NALF1: variants seen among roughly 807,000 people sequenced by gnomAD.
NALF1 encodes NALCN channel auxiliary factor 1, also known as family with sequence similarity 155 member A.
Under a neutral mutation model 48.4 loss-of-function variants are expected in NALF1, and 3 were observed. The ratio of observed to expected loss-of-function variants is 0.06; its 90% CI spans 0.03 to 0.16. The LOEUF (loss-of-function observed/expected upper bound fraction) is 0.16. Ranked by LOEUF, NALF1 falls within the 10% of genes least tolerant of loss-of-function variation. NALF1 has a pLI of 1.00. For missense variants in NALF1, 526 were observed against 571.5 expected (o/e 0.92, Z 0.81); for synonymous variants, 262 against 245.7 (o/e 1.07, Z -0.62).
At chr13:107,288,725 G>A (rs2138880377) in intron 1 of NALF1, among the ~76,000 whole-genome samples, 1 of 151,176 alleles carries the variant, frequency 6.6e-6, no homozygotes, top group Admixed American at 6.6e-5. Flanking sequence ...TAGAGTCGGG[G>A]TTTCGCCATG....
chr13:107,762,578 G>A (rs1877295841), intron 1 of NALF1, among the ~76,000 whole-genome samples: 1 of 152,106 alleles, frequency 6.6e-6, no homozygotes, highest in Non-Finnish European at 1.5e-5. Flanking sequence ...TAAGGCGGAA[G>A]GCAGGTTTTG....
intron 1 of NALF1, among the ~76,000 whole-genome samples, chr13:107,235,481 G>C (rs887731213): frequency 6.6e-6 from 1 of 152,064 alleles, no homozygotes; most frequent in Admixed American, 6.6e-5. Flanking sequence ...CCATGAAATT[G>C]GGGTAGTATT....
intron 1 of NALF1, among the ~76,000 whole-genome samples, chr13:107,657,257 C>T (rs1329919098): frequency 6.6e-6 from 1 of 152,044 alleles, no homozygotes; most frequent in Non-Finnish European, 1.5e-5. Flanking sequence ...CAGTTTACTT[C>T]TGTGTGTATA....
chr13:107,374,092 T>C (rs1347175066), intron 1 of NALF1, among the ~76,000 whole-genome samples: 2 of 152,226 alleles, frequency 1.3e-5, no homozygotes, highest in African/African-American at 2.4e-5. Flanking sequence ...CATTAGCATG[T>C]TTTCCATGTT....
intron 1 of NALF1, among the ~76,000 whole-genome samples, chr13:107,645,294 T>C (rs1175072803): frequency 1.3e-5 from 2 of 152,146 alleles, no homozygotes; most frequent in African/African-American, 2.4e-5. Flanking sequence ...ATCTGAAGGA[T>C]ATAGAAGTAT....
chr13:107,284,907 ATTT>A (rs35904964), intron 1 of NALF1, among the ~76,000 whole-genome samples: 3 of 150,882 alleles, frequency 2.0e-5, no homozygotes, highest in African/African-American at 7.3e-5. Context: ...CACCCATCCT[ATTT>A]TTTTTTTAAA....
rs369977564 is a variant in NALF1, at chr13:107,250,412, AT to A, written c.916-39658del. Among the ~76,000 whole-genome samples, 413 of 151,206 alleles carry A rather than the reference AT, an allele frequency of 2.7e-3. 4 individuals carry two copies. The Middle Eastern group carries it at 0.041, about 15-fold the overall frequency. Reference sequence around the variant, plus strand: ...TCAGCTATAGTGACATGAATTATTAATTTTTTTTTTAAACAAAGGTATTAGA... The same window carrying A: ...TCAGCTATAGTGACATGAATTATTAATTTTTTTTTAAACAAAGGTATTAGA... On this transcript the variant is annotated intron_variant, in intron 1 of 2. Transcript: ENST00000375915.
chr13:107,737,024 T>G (rs1876487409), intron 1 of NALF1, among the ~76,000 whole-genome samples: 1 of 152,220 alleles, frequency 6.6e-6, no homozygotes, highest in Non-Finnish European at 1.5e-5. Context: ...ACTGGGTGTT[T>G]TATCTGTTCA....
Position 107,279,820 on chromosome 13 carries a change from T to G in NALF1, c.916-69065A>C, listed in dbSNP as rs1335198117. 3.3e-5 allele frequency among the ~76,000 whole-genome samples: 5 copies of G among 152,310 alleles called. No homozygotes were observed. The East Asian group carries it at 9.6e-4, about 29-fold the overall frequency. ...TTGCTACCTTCATTTCCTTTCCACC[T>G]GCTAAATAATATCTTGGAATCAACT... On this transcript the variant is annotated intron_variant, in intron 1 of 2. Transcript: ENST00000375915.
intron 1 of NALF1, among the ~76,000 whole-genome samples, chr13:107,813,687 A>G (rs905769319): frequency 2.9e-5 from 4 of 140,212 alleles, no homozygotes; most frequent in African/African-American, 1.0e-4. Context: ...AAAAAAAAAA[A>G]TTTATATTCT....
intron 1 of NALF1, among the ~76,000 whole-genome samples, chr13:107,387,555 T>C (rs1026524506): frequency 3.6e-4 from 55 of 152,110 alleles, no homozygotes; most frequent in African/African-American, 1.2e-3. Context: ...AGAGTATCTG[T>C]TCAGTGTCAC....
intron 1 of NALF1, among the ~76,000 whole-genome samples, chr13:107,524,845 C>A (rs1876376107): frequency 6.6e-6 from 1 of 152,034 alleles, no homozygotes; most frequent in African/African-American, 2.4e-5. Flanking sequence ...TTTACGCATT[C>A]TCAGTTTCAG....
chr13:107,669,022 C>T (rs1047259928), intron 1 of NALF1, among the ~76,000 whole-genome samples: 1 of 152,036 alleles, frequency 6.6e-6, no homozygotes. Context: ...GCTATTAATA[C>T]TTATACACTT....
intron 1 of NALF1, among the ~76,000 whole-genome samples, chr13:107,469,868 C>T (rs372062224): frequency 0.012 from 1,795 of 150,998 alleles, 20 homozygotes; most frequent in South Asian, 0.035. Flanking sequence ...CTCAGCCTCC[C>T]GAGTAGGTGG....
intron 1 of NALF1, among the ~76,000 whole-genome samples, chr13:107,404,447 C>A (rs1005491101): frequency 2.6e-5 from 4 of 151,928 alleles, no homozygotes; most frequent in Non-Finnish European, 5.9e-5. Flanking sequence ...TAGTAATGGT[C>A]ACACAAACCA....
At chr13:107,729,499 C>T (rs780150696) in intron 1 of NALF1, among the ~76,000 whole-genome samples, 7 of 150,624 alleles carry the variant, frequency 4.6e-5, no homozygotes, top group Non-Finnish European at 7.4e-5. Context: ...TTTTTTGAGA[C>T]AGTGTCTTGC....
intron 1 of NALF1, among the ~76,000 whole-genome samples, chr13:107,407,052 CT>C (rs1883911872): frequency 6.6e-6 from 1 of 151,978 alleles, no homozygotes; most frequent in Non-Finnish European, 1.5e-5. Context: ...CCTAGGAAAA[CT>C]GGATAGCCAT....
chr13:107,622,053 C>T (rs72654935), intron 1 of NALF1, among the ~76,000 whole-genome samples: 36,933 of 151,296 alleles, frequency 0.24, 5,079 homozygotes, highest in East Asian at 0.48. Flanking sequence ...AGTACAGTGA[C>T]GCTATCTCGG....
At chr13:107,791,518 A>G (rs1878232948) in intron 1 of NALF1, among the ~76,000 whole-genome samples, 1 of 152,136 alleles carries the variant, frequency 6.6e-6, no homozygotes, top group African/African-American at 2.4e-5. Flanking sequence ...AAACCCAAAA[A>G]ACATTAGTTT....
Sources: allele counts gnomAD v4.1 joint callset (sites outside exome capture counted in the v4.1 genomes callset), GRCh38; gene constraint gnomAD v4.1.1; transcripts MANE v1.5; gene names NCBI Gene and HGNC (gene_info 2026-07-23, HGNC 2026-07-21).